Variants in DLGAP1 observed in about 807,000 individuals in gnomAD.
DLGAP1 encodes disks large-associated protein 1.
In DLGAP1, 11 loss-of-function variants were observed where a neutral mutation model predicts 90.8. The observed-to-expected ratio is 0.12, with a 90% CI of 0.08 to 0.20. The LOEUF (loss-of-function observed/expected upper bound fraction) is 0.20, where lower values mean the gene tolerates loss of function less well. DLGAP1 is among the 10% of genes least tolerant of loss of function. The pLI, the probability that DLGAP1 is intolerant of heterozygous loss-of-function variation, is 1.00. For synonymous variants in DLGAP1, 558 were observed against 540.7 expected (o/e 1.03, Z -0.44); for missense variants, 1,050 against 1,333.8 (o/e 0.79, Z 3.31).
At chr18:3,609,733 A>C (rs916228339) in intron 7 of DLGAP1, among the ~76,000 whole-genome samples, 6 of 151,966 alleles carry the variant, frequency 3.9e-5, no homozygotes, top group Admixed American at 3.9e-4. Flanking sequence ...TCCTTCCTAG[A>C]TTATGTGATG....
chr18:4,268,150 C>T (rs574239413), intron 1 of DLGAP1, among the ~76,000 whole-genome samples: 13 of 152,310 alleles, frequency 8.5e-5, no homozygotes, highest in South Asian at 6.2e-4. Context: ...ACAATTAAAA[C>T]TGTTAGACCA....
intron 1 of DLGAP1, among the ~76,000 whole-genome samples, chr18:4,403,111 A>G (rs559240374): frequency 6.6e-6 from 1 of 152,300 alleles, no homozygotes; most frequent in Non-Finnish European, 1.5e-5. Flanking sequence ...AGGTATTATT[A>G]GTTCTGATTT....
chr18:3,920,445 A>G (rs1599161073), intron 3 of DLGAP1, among the ~76,000 whole-genome samples: 1 of 151,160 alleles, frequency 6.6e-6, no homozygotes, highest in Non-Finnish European at 1.5e-5. Flanking sequence ...TACTAAAATT[A>G]TAGTGGAGCA....
chr18:4,440,296 T>C (rs1311827608), intron 1 of DLGAP1, among the ~76,000 whole-genome samples: 2 of 152,152 alleles, frequency 1.3e-5, no homozygotes, highest in Non-Finnish European at 2.9e-5. Context: ...TGTGATGTGA[T>C]GTACTCAATC....
chr18:3,719,383 C>T (rs951855561), intron 7 of DLGAP1, among the ~76,000 whole-genome samples: 4 of 150,902 alleles, frequency 2.7e-5, no homozygotes, highest in African/African-American at 9.8e-5. Flanking sequence ...ACAGCAAAAC[C>T]CTGTCTCTAC....
chr18:4,051,178 G>A (rs1184375470), intron 2 of DLGAP1, among the ~76,000 whole-genome samples: 1 of 152,182 alleles, frequency 6.6e-6, no homozygotes, highest in African/African-American at 2.4e-5. Context: ...ATTCAAATGT[G>A]TATCACACTC....
intron 7 of DLGAP1, among the ~76,000 whole-genome samples, chr18:3,700,376 G>C (rs1190076858): frequency 6.6e-6 from 1 of 152,122 alleles, no homozygotes; most frequent in African/African-American, 2.4e-5. Context: ...GCTAGGGGAG[G>C]AAGTTCCTCA....
chr18:4,184,628 C>T (rs983533763), intron 1 of DLGAP1, among the ~76,000 whole-genome samples: 4 of 152,076 alleles, frequency 2.6e-5, no homozygotes, highest in Non-Finnish European at 4.4e-5. Flanking sequence ...TACCCAGGAT[C>T]CTACTACTTG....
intron 10 of DLGAP1, among the ~76,000 whole-genome samples, chr18:3,520,091 A>T (rs2051086387): frequency 6.6e-6 from 1 of 152,176 alleles, no homozygotes; most frequent in South Asian, 2.1e-4. Flanking sequence ...GGAGCAACAC[A>T]AACAAACAAA....
chr18:3,864,873 A>G (rs190673037), intron 4 of DLGAP1, among the ~76,000 whole-genome samples: 48 of 152,250 alleles, frequency 3.2e-4, no homozygotes, highest in Non-Finnish European at 5.6e-4. Flanking sequence ...TAATTACGCA[A>G]CATTCTAAGG....
intron 3 of DLGAP1, among the ~76,000 whole-genome samples, chr18:3,938,020 T>A (rs932628406): frequency 1.3e-5 from 2 of 152,222 alleles, no homozygotes. Flanking sequence ...GAAATGTGGT[T>A]ATCTAGCATC....
At chr18:4,379,263 G>T (rs941415565) in intron 1 of DLGAP1, among the ~76,000 whole-genome samples, 1 of 152,136 alleles carries the variant, frequency 6.6e-6, no homozygotes, top group African/African-American at 2.4e-5. Flanking sequence ...GAAGAGTAGA[G>T]GAGATGGGAC....
intron 8 of DLGAP1, among the ~76,000 whole-genome samples, chr18:3,577,640 G>C (rs964758845): frequency 3.9e-5 from 6 of 152,298 alleles, no homozygotes; most frequent in African/African-American, 1.4e-4. Flanking sequence ...AACAAGAATG[G>C]AGGATATTGT....
chr18:4,054,867 C>T (rs1237159245), intron 2 of DLGAP1, among the ~76,000 whole-genome samples: 1 of 152,116 alleles, frequency 6.6e-6, no homozygotes, highest in African/African-American at 2.4e-5. Context: ...AATGCATGCT[C>T]CTAGAATGAT....
chr18:4,443,725 C>T lies in DLGAP1; in HGVS notation c.-267+11281G>A, dbSNP rs76892975. On this transcript the variant is annotated intron_variant, in intron 1 of 12. Coordinates refer to ENST00000315677, the MANE Select transcript of DLGAP1 (RefSeq NM_004746.4). Reference sequence around the variant, plus strand: ...TAAGTGTGTGTTTATCAGCTCTCTTCGGAGCAACTCAAGTCACTTTAGATA... The same window carrying T: ...TAAGTGTGTGTTTATCAGCTCTCTTTGGAGCAACTCAAGTCACTTTAGATA... Among the ~76,000 whole-genome samples, 259 of 152,266 alleles carry T rather than the reference C, an allele frequency of 1.7e-3. 1 individual carries two copies. Among genetic ancestry groups the T allele is most frequent in the African/African-American group, 5.6e-3 (232 of 41,556 alleles).
At chr18:4,165,829 A>G (rs1372794323) in intron 1 of DLGAP1, among the ~76,000 whole-genome samples, 1 of 152,154 alleles carries the variant, frequency 6.6e-6, no homozygotes, top group Non-Finnish European at 1.5e-5. Flanking sequence ...ATTTGCAAAC[A>G]TATGTCTGGT....
intron 7 of DLGAP1, among the ~76,000 whole-genome samples, chr18:3,664,534 C>G (rs539323346): frequency 1.3e-5 from 2 of 152,226 alleles, no homozygotes; most frequent in East Asian, 3.9e-4. Context: ...AGAATTAGCA[C>G]GTGCCATCCC....
At chr18:4,431,851 T>C (rs1406271903) in intron 1 of DLGAP1, among the ~76,000 whole-genome samples, 3 of 152,216 alleles carry the variant, frequency 2.0e-5, no homozygotes, top group Non-Finnish European at 4.4e-5. Flanking sequence ...AATTTTTGTA[T>C]TGATGAACAC....
intron 1 of DLGAP1, among the ~76,000 whole-genome samples, chr18:4,360,799 C>A (rs1327780648): frequency 6.6e-6 from 1 of 151,962 alleles, no homozygotes; most frequent in African/African-American, 2.4e-5. Flanking sequence ...GCCAACATGG[C>A]AAAACCCTGT....
Sources: allele counts gnomAD v4.1 joint callset (sites outside exome capture counted in the v4.1 genomes callset), GRCh38; gene constraint gnomAD v4.1.1; transcripts MANE v1.5; gene names NCBI Gene and HGNC (gene_info 2026-07-23, HGNC 2026-07-21).